The following WWOX variants were observed in gnomAD, a reference collection of about 807,000 sequenced individuals.
WWOX encodes the protein WW domain-containing oxidoreductase.
WWOX carries 69 observed loss-of-function variants against 46.2 expected under a neutral mutation model. The observed-to-expected ratio is 1.49, with a 90% CI of 1.23 to 1.82. WWOX has a LOEUF of 1.82. WWOX is among the 40% of genes most tolerant of loss of function. The pLI is 0.00. For missense variants in WWOX, 919 were observed against 542.6 expected, an observed-to-expected ratio of 1.69 and a Z score of -6.89; for synonymous variants, 359 against 202.6, an observed-to-expected ratio of 1.77 and a Z score of -6.56.
At chr16:78,281,944 A>G (rs9319521) in intron 5 of WWOX, among the ~76,000 whole-genome samples, 102,375 of 152,074 alleles carry the variant, frequency 0.67, 35,757 homozygotes, top group East Asian at 1. Context: ...AATTCTCTCC[A>G]AATGGGGCTG....
chr16:78,901,119 C>T (rs2044821445), intron 8 of WWOX, among the ~76,000 whole-genome samples: 2 of 152,324 alleles, frequency 1.3e-5, no homozygotes, highest in Middle Eastern at 3.4e-3. Context: ...CTTTCTCCTT[C>T]AAGCTGGGAT....
intron 8 of WWOX, among the ~76,000 whole-genome samples, chr16:78,513,019 A>G (rs2085401058): frequency 6.6e-6 from 1 of 152,174 alleles, no homozygotes; most frequent in African/African-American, 2.4e-5. Flanking sequence ...TGGACCTTTC[A>G]TTAGGACAAT....
chr16:78,638,269 G>T (rs1210287107), intron 8 of WWOX, among the ~76,000 whole-genome samples: 1 of 152,148 alleles, frequency 6.6e-6, no homozygotes, highest in East Asian at 1.9e-4. Flanking sequence ...TTCCTAAGTG[G>T]CCAGGGGCAG....
At chr16:79,024,213 A>C (rs2047591431) in intron 8 of WWOX, among the ~76,000 whole-genome samples, 1 of 151,974 alleles carries the variant, frequency 6.6e-6, no homozygotes, top group Non-Finnish European at 1.5e-5. Context: ...TATACTAAAA[A>C]CCACTGAACT....
At chr16:78,290,907 T>G (rs1454706174) in intron 5 of WWOX, among the ~76,000 whole-genome samples, 1 of 152,246 alleles carries the variant, frequency 6.6e-6, no homozygotes, top group African/African-American at 2.4e-5. Flanking sequence ...AAGGCAAAGT[T>G]TAATTTTGCT....
chr16:78,635,924 G>C (rs2151667271), intron 8 of WWOX, among the ~76,000 whole-genome samples: 1 of 152,242 alleles, frequency 6.6e-6, no homozygotes. Flanking sequence ...GTATTATACA[G>C]AGCCAAGAGA....
intron 8 of WWOX, among the ~76,000 whole-genome samples, chr16:78,638,497 TAA>T (rs2046629267): frequency 6.6e-6 from 1 of 152,162 alleles, no homozygotes. Flanking sequence ...TGGGCTCTGA[TAA>T]GATCTGTCTG....
At chr16:78,968,497 G>A (rs755910831) in intron 8 of WWOX, among the ~76,000 whole-genome samples, 1 of 152,194 alleles carries the variant, frequency 6.6e-6, no homozygotes, top group Non-Finnish European at 1.5e-5. Flanking sequence ...ATGCAATTAT[G>A]TTTCATTGTT....
At chr16:78,135,372 A>G (rs1397239482) in intron 4 of WWOX, among the ~76,000 whole-genome samples, 1 of 152,224 alleles carries the variant, frequency 6.6e-6, no homozygotes, top group Non-Finnish European at 1.5e-5. Context: ...AATGTCTAAT[A>G]GAGTCTGAGT....
At chr16:78,674,403 G>A (rs1349770052) in intron 8 of WWOX, among the ~76,000 whole-genome samples, 1 of 151,508 alleles carries the variant, frequency 6.6e-6, no homozygotes, top group Non-Finnish European at 1.5e-5. Flanking sequence ...TCCTGCCTCA[G>A]CCTCCTGAGT....
rs569840418 is a variant in WWOX at position 78,904,205 on chromosome 16, T to A, written c.1057-307403T>A. ...AGTTAGCAGTTACAGGTGCTTGTGA[T>A]GTCATCACTTAGATGATCTTATAAA... On this transcript the variant is annotated intron_variant, in intron 8 of 8. Coordinates refer to ENST00000566780, the MANE Select transcript of WWOX (RefSeq NM_016373.4). 2.0e-5 allele frequency among the ~76,000 whole-genome samples: 3 copies of A among 151,584 alleles called. No individual in the cohort carries two copies. The East Asian group carries it at 5.8e-4, about 29-fold the overall frequency.
At chr16:78,726,377 C>T (rs1361317843) in intron 8 of WWOX, among the ~76,000 whole-genome samples, 2 of 151,892 alleles carry the variant, frequency 1.3e-5, no homozygotes, top group Admixed American at 1.3e-4. Flanking sequence ...AGGTATGCAC[C>T]ACCACACGTG....
chr16:78,492,260 A>G (rs7193201), intron 8 of WWOX, among the ~76,000 whole-genome samples: 17,382 of 152,238 alleles, frequency 0.11, 1,205 homozygotes, highest in African/African-American at 0.19. Context: ...GTTGGACGAG[A>G]CACTCATTCC....
intron 5 of WWOX, among the ~76,000 whole-genome samples, chr16:78,246,078 C>T (rs1463244599): frequency 2.6e-5 from 4 of 152,134 alleles, no homozygotes; most frequent in African/African-American, 9.7e-5. Flanking sequence ...TTCTTTTTTG[C>T]AGATCATCCC....
intron 8 of WWOX, among the ~76,000 whole-genome samples, chr16:79,126,263 G>A (rs945764475): frequency 2.4e-4 from 36 of 152,064 alleles, no homozygotes; most frequent in Non-Finnish European, 1.2e-4. Context: ...AGGTAAGAAG[G>A]GTAAGCACCT....
intron 8 of WWOX, among the ~76,000 whole-genome samples, chr16:78,801,028 G>C (rs2050871972): frequency 6.6e-6 from 1 of 151,444 alleles, no homozygotes; most frequent in Non-Finnish European, 1.5e-5. Context: ...ACTTTTCTGG[G>C]CAGTTTTGTT....
intron 8 of WWOX, among the ~76,000 whole-genome samples, chr16:79,158,270 C>T (rs760655769): frequency 4.3e-4 from 66 of 152,226 alleles, no homozygotes; most frequent in African/African-American, 1.4e-3. Context: ...CTGGAACAAA[C>T]AAAGAACCAC....
chr16:79,052,097 G>C (rs1008359083), intron 8 of WWOX, among the ~76,000 whole-genome samples: 3 of 150,518 alleles, frequency 2.0e-5, no homozygotes, highest in African/African-American at 7.4e-5. Flanking sequence ...GTGCAGGTTA[G>C]TTACATATGT....
At chr16:78,100,632 T>C (rs1025941473) in intron 1 of WWOX, among the ~76,000 whole-genome samples, 1 of 152,220 alleles carries the variant, frequency 6.6e-6, no homozygotes, top group African/African-American at 2.4e-5. Context: ...AGAGCCTTCA[T>C]CTTTAACTGT....
Sources: allele counts gnomAD v4.1 joint callset (sites outside exome capture counted in the v4.1 genomes callset), GRCh38; gene constraint gnomAD v4.1.1; transcripts MANE v1.5; gene names NCBI Gene and HGNC (gene_info 2026-07-23, HGNC 2026-07-21).